Variants in PCDH11X observed in about 807,000 individuals in gnomAD.
The protein encoded by PCDH11X is protocadherin 11 X-linked.
In PCDH11X, 18 loss-of-function variants were observed where a neutral mutation model predicts 53.3. The ratio of observed to expected loss-of-function variants is 0.34; its 90% CI spans 0.23 to 0.50. PCDH11X has a LOEUF of 0.50. PCDH11X is among the 20% of genes least tolerant of loss of function. PCDH11X has a pLI of 0.98. For missense variants in PCDH11X, 570 were observed against 1,032.4 expected (o/e 0.55, Z 6.14); for synonymous variants, 279 against 393.3 (o/e 0.71, Z 3.44).
At chrX:92,426,308 T>C (rs1157836713) in intron 9 of PCDH11X, among the ~76,000 whole-genome samples, 2 of 85,050 alleles carry the variant, frequency 2.4e-5, no homozygotes, top group African/African-American at 8.7e-5. Flanking sequence ...GACATTTCAG[T>C]AGTTCTAGAC....
In PCDH11X at chrX:91,804,241, A is replaced by T. The variant is rs745379812; in HGVS notation, c.-378-5225A>T. ...CTTAAAATATGCCATTTTAATGGAA[A>T]TTTTTTTTGGTCAGTGAGAATATGA... On this transcript the variant is annotated intron_variant, in intron 1 of 10. Transcript: ENST00000682573. 5.4e-5 allele frequency among the ~76,000 whole-genome samples: 6 copies of T among 111,580 alleles called. 1 individual carries two copies. The South Asian group carries it at 1.8e-3, about 34-fold the overall frequency.
At chrX:91,940,179 C>T (rs2061491391) in intron 6 of PCDH11X, among the ~76,000 whole-genome samples, 1 of 110,683 alleles carries the variant, frequency 9.0e-6, no homozygotes, top group African/African-American at 3.3e-5. Context: ...GCCTCTCTTG[C>T]TCCTGCTTCA....
At chrX:91,923,544 C>T (rs181735280) in intron 6 of PCDH11X, among the ~76,000 whole-genome samples, 35 of 109,612 alleles carry the variant, frequency 3.2e-4, no homozygotes, top group Non-Finnish European at 6.1e-4. Context: ...CCAGAGGGTC[C>T]TGGGCCTTGG....
intron 1 of PCDH11X, among the ~76,000 whole-genome samples, chrX:91,794,776 T>C (rs1443061015): frequency 9.3e-6 from 1 of 107,141 alleles, no homozygotes; most frequent in Non-Finnish European, 1.9e-5. Context: ...GGTGATATGG[T>C]TTGGCTCTGT....
rs758641899 is a variant in PCDH11X at position 92,487,048 on chromosome X, CTTTT to C, written c.3367+18745_3367+18748del. 5.9e-4 allele frequency among the ~76,000 whole-genome samples: 40 copies of C among 67,809 alleles called. 1 individual carries two copies. The highest frequency in any genetic ancestry group is 4.7e-3 in the South Asian group (5 of 1,065). The allele number at this position is 67,809 out of a possible 115,157, so 58.9% of individuals were successfully genotyped here. On this transcript the variant is annotated intron_variant, in intron 10 of 10. Coordinates refer to ENST00000682573, the MANE Select transcript of PCDH11X (RefSeq NM_032968.5). ...TTATTATCTCTGAGAAATATGCTTC[CTTTT>C]TTTTTTTTTTTTTTTTTTGAGACAG...
intron 8 of PCDH11X, among the ~76,000 whole-genome samples, chrX:92,305,763 T>C (rs1287470273): frequency 9.0e-6 from 1 of 111,262 alleles, no homozygotes; most frequent in African/African-American, 3.3e-5. Flanking sequence ...ACGAATACAG[T>C]AAATTATGAT....
At chrX:92,441,823 G>A (rs1422330080) in intron 9 of PCDH11X, among the ~76,000 whole-genome samples, 1 of 110,861 alleles carries the variant, frequency 9.0e-6, no homozygotes, top group African/African-American at 3.3e-5. Flanking sequence ...TCAGACCTTA[G>A]AATGGTAGAT....
At chrX:91,823,508 T>C (rs748231037) in intron 4 of PCDH11X, among the ~76,000 whole-genome samples, 1,267 of 111,402 alleles carry the variant, frequency 0.011, 34 homozygotes, top group Admixed American at 0.07. Context: ...CCTGCCTTTT[T>C]TTGTTTTCCA....
At chrX:92,221,278 AACACACACACAC>A (rs58264678) in intron 7 of PCDH11X, among the ~76,000 whole-genome samples, 2,573 of 88,009 alleles carry the variant, frequency 0.029, 99 homozygotes, top group African/African-American at 0.085. Flanking sequence ...CATTGTATAC[AACACACACACAC>A]ACACACACAC....
intron 6 of PCDH11X, among the ~76,000 whole-genome samples, chrX:92,015,982 C>T (rs1328872556): frequency 2.6e-4 from 29 of 111,504 alleles, no homozygotes; most frequent in African/African-American, 7.5e-4. Context: ...GTTGAAATTA[C>T]TCCTGATTCA....
At chrX:92,527,397 T>C (rs1379066150) in intron 10 of PCDH11X, among the ~76,000 whole-genome samples, 1 of 110,693 alleles carries the variant, frequency 9.0e-6, no homozygotes, top group Non-Finnish European at 1.9e-5. Context: ...TATATACACC[T>C]GGTATGTACC....
chrX:92,234,185 A>G (rs1051119316), intron 7 of PCDH11X, among the ~76,000 whole-genome samples: 5 of 112,451 alleles, frequency 4.4e-5, no homozygotes, highest in Non-Finnish European at 9.4e-5. Context: ...ACAACACTGA[A>G]TAGCTTAATC....
At chrX:92,415,355 A>T (rs1216003818) in intron 9 of PCDH11X, among the ~76,000 whole-genome samples, 1 of 111,635 alleles carries the variant, frequency 9.0e-6, no homozygotes, top group Non-Finnish European at 1.9e-5. Flanking sequence ...AATAACTTTC[A>T]AACAATTGTG....
chrX:91,846,066 CA>C (rs1326477941), intron 5 of PCDH11X, among the ~76,000 whole-genome samples: 243 of 102,689 alleles, frequency 2.4e-3, no homozygotes, highest in African/African-American at 8.0e-3. Flanking sequence ...AGGTGTGAAG[CA>C]AAAAAAAAAT....
rs1321527915 is a variant in PCDH11X at position 92,622,594 on chromosome X, A to G, written c.*3654A>G. ...TATAGTTAGTTTAGGTAAACTTTTT[A>G]TTATGACCATTAGAAACTATTTTGA... On this transcript the variant is annotated 3_prime_UTR_variant, in exon 11 of 11. Coordinates refer to ENST00000682573, the MANE Select transcript of PCDH11X (RefSeq NM_032968.5). 2 of 110,470 alleles carry G rather than the reference A, an allele frequency of 1.8e-5. No individual in the cohort carries two copies. Among genetic ancestry groups the G allele is most frequent in the Non-Finnish European group, 3.8e-5 (2 of 52,674 alleles). 9.1% of individuals were successfully genotyped at this position (110,470 alleles called of 1,213,427 possible).
intron 6 of PCDH11X, among the ~76,000 whole-genome samples, chrX:92,087,441 C>T (rs2063976993): frequency 9.1e-6 from 1 of 110,055 alleles, no homozygotes; most frequent in Non-Finnish European, 1.9e-5. Flanking sequence ...CACAAGGACC[C>T]TTCACGACTG....
intron 7 of PCDH11X, among the ~76,000 whole-genome samples, chrX:92,219,730 G>A (rs1338375271): frequency 3.2e-5 from 3 of 93,003 alleles, no homozygotes; most frequent in African/African-American, 7.8e-5. Context: ...AAAAGAGCAC[G>A]CATCGCCAAG....
At chrX:92,276,781 T>G (rs990244338) in intron 8 of PCDH11X, among the ~76,000 whole-genome samples, 35 of 111,997 alleles carry the variant, frequency 3.1e-4, no homozygotes, top group African/African-American at 1.1e-3. Flanking sequence ...ATATTGAGAA[T>G]AAGATGGCCT....
Position 92,218,285 on chromosome X carries a change from T to C in PCDH11X, c.3114+16830T>C, listed in dbSNP as rs1290842666. 2.9e-5 allele frequency among the ~76,000 whole-genome samples: 3 copies of C among 103,145 alleles called. No homozygotes were observed. In the East Asian group the frequency reaches 9.3e-4, roughly 32 times the overall value. The allele number at this position is 103,145 out of a possible 115,157, so 89.6% of individuals were successfully genotyped here. ...TGGTTTTTTGAAAGGATCAACAAAA[T>C]TGATAGACCACTAGCAAGACTAATA... On this transcript the variant is annotated intron_variant, in intron 7 of 10. Coordinates refer to ENST00000682573, the MANE Select transcript of PCDH11X (RefSeq NM_032968.5).
Sources: gnomAD v4.1 joint callset for allele counts (sites outside exome capture counted in the v4.1 genomes callset) on GRCh38, gnomAD v4.1.1 for gene constraint, MANE v1.5 for transcripts, NCBI Gene and HGNC (gene_info 2026-07-23, HGNC 2026-07-21) for gene names.